Variants in UBXN7 observed in about 807,000 individuals in gnomAD.
The protein encoded by UBXN7 is UBX domain protein 7.
A neutral mutation model predicts 58.0 loss-of-function variants in UBXN7; 9 were observed. That is an observed-to-expected ratio of 0.16 (90% CI 0.09 to 0.27). The LOEUF (loss-of-function observed/expected upper bound fraction) is 0.27, where lower values mean the gene tolerates loss of function less well. Among genes scored for constraint, UBXN7 ranks in the 10% least tolerant of loss-of-function variants. UBXN7 has a pLI of 1.00. For synonymous variants in UBXN7, 208 were observed against 205.0 expected, an observed-to-expected ratio of 1.01 and a Z score of -0.12; for missense variants, 328 against 599.6, an observed-to-expected ratio of 0.55 and a Z score of 4.73.
At chr3:196,430,250 G>A (rs1309244685) in intron 1 of UBXN7, among the ~76,000 whole-genome samples, 2 of 151,982 alleles carry the variant, frequency 1.3e-5, no homozygotes, top group Non-Finnish European at 2.9e-5. Context: ...AGCTACTCGG[G>A]AGGCTGAGAC....
At chr3:196,427,061 T>A (rs910414329) in intron 1 of UBXN7, among the ~76,000 whole-genome samples, 8 of 152,194 alleles carry the variant, frequency 5.3e-5, no homozygotes, top group Non-Finnish European at 8.8e-5. Context: ...CTTGTACTCT[T>A]CTTAGCCTCC....
At chr3:196,427,011 G>A (rs1287236096) in intron 1 of UBXN7, among the ~76,000 whole-genome samples, 6 of 152,078 alleles carry the variant, frequency 3.9e-5, no homozygotes, top group African/African-American at 1.4e-4. Flanking sequence ...TGTTATTGCC[G>A]CTATGCACAA....
chr3:196,419,944 TAC>T (rs2108623850), intron 1 of UBXN7, among the ~76,000 whole-genome samples: 1 of 152,208 alleles, frequency 6.6e-6, no homozygotes, highest in East Asian at 1.9e-4. Flanking sequence ...ACCACTGAGC[TAC>T]ACAGAGGAAT....
chr3:196,375,522 A>C (rs1383883856), intron 5 of UBXN7, among the ~76,000 whole-genome samples: 1 of 152,162 alleles, frequency 6.6e-6, no homozygotes, highest in Non-Finnish European at 1.5e-5. Context: ...TAAGTATACC[A>C]ATTATGTGAA....
intron 1 of UBXN7, among the ~76,000 whole-genome samples, chr3:196,414,235 T>C (rs931335473): frequency 6.6e-6 from 1 of 152,318 alleles, no homozygotes; most frequent in South Asian, 2.1e-4. Flanking sequence ...TCCGCCTGCC[T>C]TGGCCTCCCA....
chr3:196,428,291 C>G (rs1459586602), intron 1 of UBXN7, among the ~76,000 whole-genome samples: 1 of 151,808 alleles, frequency 6.6e-6, no homozygotes, highest in Non-Finnish European at 1.5e-5. Context: ...GTGAAAATTT[C>G]AGAACCGTGT....
chr3:196,398,607 A>T (rs1577460901), intron 3 of UBXN7, among the ~76,000 whole-genome samples: 1 of 152,260 alleles, frequency 6.6e-6, no homozygotes, highest in African/African-American at 2.4e-5. Context: ...AAATTTTCTA[A>T]AATCCTGTTT....
rs570715652 is a variant in UBXN7 at position 196,427,709 on chromosome 3, T to G, written c.73+4618A>C. Among the ~76,000 whole-genome samples the G allele has an allele frequency of 1.7e-3, 252 of 152,364 alleles. 1 individual carries two copies. The highest frequency in any genetic ancestry group is 2.7e-3 in the South Asian group (13 of 4,832). On this transcript the variant is annotated intron_variant, in intron 1 of 10. Coordinates refer to ENST00000296328, the MANE Select transcript of UBXN7 (RefSeq NM_015562.2). ...GAGAATTGATATGACTTCTGAGTTTTCAACAGTAATTCAAAGCCATGTATG... is the reference window on the plus strand; with the variant it reads ...GAGAATTGATATGACTTCTGAGTTTGCAACAGTAATTCAAAGCCATGTATG...
chr3:196,412,230 CAA>C (rs55746914), intron 1 of UBXN7, among the ~76,000 whole-genome samples: 3 of 89,088 alleles, frequency 3.4e-5, no homozygotes, highest in African/African-American at 4.9e-5. Flanking sequence ...GACTTTGTCT[CAA>C]AAAAAAAAAA....
At chr3:196,372,564 A>G (rs1178676820) in intron 5 of UBXN7, among the ~76,000 whole-genome samples, 5 of 151,802 alleles carry the variant, frequency 3.3e-5, no homozygotes, top group Non-Finnish European at 7.4e-5. Context: ...CTGGTCTCGA[A>G]CTTCTGACCT....
chr3:196,355,587 A>T lies in UBXN7; in HGVS notation c.*1098T>A, dbSNP rs182106095. On this transcript the variant is annotated 3_prime_UTR_variant, in exon 11 of 11. Coordinates refer to ENST00000296328, the MANE Select transcript of UBXN7 (RefSeq NM_015562.2). ...AAAACAGCATGCGGACTCATGTTCA[A>T]TTCAGTCACCAGAGCCTTTTAGAGA... 37 of 152,316 alleles carry T rather than the reference A, an allele frequency of 2.4e-4. No individual in the cohort carries two copies. The highest frequency in any genetic ancestry group is 8.7e-4 in the African/African-American group (36 of 41,574). The allele number at this position is 152,316 out of a possible 1,614,324, so 9.4% of individuals were successfully genotyped here. A position where few individuals can be genotyped will look rare whatever the true frequency, so the allele number is the denominator to read the frequency against.
chr3:196,426,649 G>C (rs142307462), intron 1 of UBXN7, among the ~76,000 whole-genome samples: 8 of 152,130 alleles, frequency 5.3e-5, no homozygotes, highest in East Asian at 1.9e-4. Flanking sequence ...GGGAGTTCGA[G>C]ACCAGCCTGA....
intron 3 of UBXN7, among the ~76,000 whole-genome samples, chr3:196,402,513 G>A (rs1176888154): frequency 1.3e-5 from 2 of 151,922 alleles, no homozygotes; most frequent in East Asian, 1.9e-4. Flanking sequence ...ATTCTCTATC[G>A]CCAGTCTCTA....
At chr3:196,378,509 G>A (rs1446995473) in intron 5 of UBXN7, among the ~76,000 whole-genome samples, 1 of 152,188 alleles carries the variant, frequency 6.6e-6, no homozygotes, top group Non-Finnish European at 1.5e-5. Flanking sequence ...GCAGCCCAAG[G>A]GCTGCTGGTT....
At chr3:196,414,936 G>A (rs1027231064) in intron 1 of UBXN7, among the ~76,000 whole-genome samples, 1 of 151,950 alleles carries the variant, frequency 6.6e-6, no homozygotes, top group South Asian at 2.1e-4. Context: ...AAACACAAAT[G>A]CAACTTTTTG....
chr3:196,385,487 C>T (rs1036650110), intron 5 of UBXN7, among the ~76,000 whole-genome samples: 4 of 151,774 alleles, frequency 2.6e-5, no homozygotes, highest in African/African-American at 9.7e-5. Context: ...TGAGGAGCGT[C>T]TCTGCCCAGC....
At chr3:196,411,892 A>C (rs1730339756) in intron 1 of UBXN7, among the ~76,000 whole-genome samples, 1 of 152,192 alleles carries the variant, frequency 6.6e-6, no homozygotes. Flanking sequence ...TTAAGGTGCA[A>C]ATGAAAACAA....
At chr3:196,427,128 A>G (rs1730874370) in intron 1 of UBXN7, among the ~76,000 whole-genome samples, 1 of 152,092 alleles carries the variant, frequency 6.6e-6, no homozygotes, top group South Asian at 2.1e-4. Context: ...CACCTGTTCT[A>G]TAGTGTCTAT....
intron 1 of UBXN7, among the ~76,000 whole-genome samples, chr3:196,418,212 G>A (rs1458175008): frequency 2.6e-5 from 4 of 151,892 alleles, no homozygotes; most frequent in Admixed American, 6.6e-5. Flanking sequence ...ACTCCAGCCT[G>A]GGCGACAGCA....
Sources: gnomAD v4.1 joint callset for allele counts (sites outside exome capture counted in the v4.1 genomes callset) on GRCh38, gnomAD v4.1.1 for gene constraint, MANE v1.5 for transcripts, NCBI Gene and HGNC (gene_info 2026-07-23, HGNC 2026-07-21) for gene names.